GOLGA4: variants seen among roughly 807,000 people sequenced by gnomAD.
The protein encoded by GOLGA4 is golgin A4.
A neutral mutation model predicts 265.9 loss-of-function variants in GOLGA4; 169 were observed. The observed-to-expected ratio is 0.64, with a 90% confidence interval of 0.56 to 0.72. GOLGA4 has a LOEUF of 0.72. Ranked by LOEUF, GOLGA4 falls within the 30% of genes least tolerant of loss-of-function variation. The pLI is 0.00. For synonymous variants in GOLGA4, 923 were observed against 855.8 expected, an observed-to-expected ratio of 1.08 and a Z score of -1.37; for missense variants, 2,482 against 2,483.4, an observed-to-expected ratio of 1.00 and a Z score of 0.01.
chr3:37,291,573 G>C (rs931533159), intron 5 of GOLGA4, among the ~76,000 whole-genome samples: 1 of 152,238 alleles, frequency 6.6e-6, no homozygotes, highest in African/African-American at 2.4e-5. Flanking sequence ...TTAGAAAACT[G>C]TGAGAGAGCT....
intron 2 of GOLGA4, among the ~76,000 whole-genome samples, chr3:37,253,021 G>A (rs892568572): frequency 2.0e-5 from 3 of 152,146 alleles, no homozygotes; most frequent in Non-Finnish European, 4.4e-5. Flanking sequence ...GGCCAAGGCA[G>A]GAGGATTGCT....
chr3:37,282,622 CCTCT>C (rs2096837858), intron 3 of GOLGA4, among the ~76,000 whole-genome samples: 1 of 152,192 alleles, frequency 6.6e-6, no homozygotes, highest in South Asian at 2.1e-4. Flanking sequence ...CTCCTTTATT[CCTCT>C]CTAACTGATG....
In GOLGA4 at chr3:37,324,052, G is replaced by C. The variant is rs768797626; in HGVS notation, c.2166G>C (p.Glu722Asp). The change falls in exon 14 of 24, where the codon GAG becomes GAC. Residue 722 changes from glutamate to aspartate, a missense_variant. Physicochemically the swap from Glu to Asp is conservative, Grantham distance 45. This residue lies in a region of GOLGA4 where 1,536 missense variants were observed against 1,483.7 expected (regional missense o/e 1.04). Coordinates refer to ENST00000361924, the MANE Select transcript of GOLGA4 (RefSeq NM_002078.5). ...DQTDKMKQEL[E>D]AKMDEQKNHH... ...CAGATAAAATGAAGCAGGAATTAGA[G>C]GCCAAGATGGATGAACAGAAAAATC... 2 of 1,614,028 alleles carry C rather than the reference G, an allele frequency of 1.2e-6. No homozygotes were observed. The highest frequency in any genetic ancestry group is 2.2e-5 in the South Asian group (2 of 91,074).
chr3:37,327,070 C>T lies in GOLGA4; in HGVS notation c.5184C>T (p.Gly1728=), dbSNP rs1482042905. Reference sequence around the variant, plus strand: ...AACAAGAAGAAGCAGATTCCCAAGGCTGTGTGCAGAAGACATATGAAGAAA... The same window carrying T: ...AACAAGAAGAAGCAGATTCCCAAGGTTGTGTGCAGAAGACATATGAAGAAA... ...YTEQEEADSQ[G]CVQKTYEEKI... Residue 1728 remains glycine, a synonymous_variant, in exon 14 of 24, where the codon GGC becomes GGT. Coordinates refer to ENST00000361924, the MANE Select transcript of GOLGA4 (RefSeq NM_002078.5). 1.2e-6 allele frequency: 2 copies of T among 1,613,778 alleles called. No individual in the cohort carries two copies. The highest frequency in any genetic ancestry group is 1.7e-5 in the Admixed American group (1 of 60,000).
In GOLGA4 at chr3:37,319,280, G is replaced by A. The variant is rs563392715; in HGVS notation, c.1545+86G>A. On this transcript the variant is annotated intron_variant, in intron 12 of 23. Transcript: ENST00000361924. ...TCCTCTCACTGTTGCATTCCAGTTG[G>A]AAGTCAGACTACTGGCAGTCTTGAC... is the stretch of plus-strand genomic sequence containing the variant. The A allele has an allele frequency of 4.7e-6, 5 of 1,072,374 alleles. No homozygotes were observed. The African/African-American group carries it at 8.0e-5, about 17-fold the overall frequency. The allele number at this position is 1,072,374 out of a possible 1,614,324, so 66.4% of individuals were successfully genotyped here. A position where few individuals can be genotyped will look rare whatever the true frequency, so the allele number is the denominator to read the frequency against.
Position 37,324,846 on chromosome 3 carries a change from A to G in GOLGA4, c.2960A>G (p.Asn987Ser). The change falls in exon 14 of 24, where the codon AAT becomes AGT. Residue 987 changes from asparagine to serine, a missense_variant. By Grantham distance (46) the Asn-to-Ser change is conservative. Coordinates refer to ENST00000361924, the MANE Select transcript of GOLGA4 (RefSeq NM_002078.5). ...GCCAAACTTAAGAAAGAGCTTGAAA[A>G]TACTGCTCTAGAGCTTAGTCAGAAA... ...QEAKLKKELENTALELSQKEK... is the reference protein window; with the variant it reads ...QEAKLKKELESTALELSQKEK... 2 of 1,585,244 alleles carry G rather than the reference A, an allele frequency of 1.3e-6. No individual in the cohort carries two copies. Among genetic ancestry groups the G allele is most frequent in the Non-Finnish European group, 1.7e-6 (2 of 1,172,626 alleles).
At chr3:37,249,336 AC>A (rs984706487) in intron 1 of GOLGA4, among the ~76,000 whole-genome samples, 5 of 152,208 alleles carry the variant, frequency 3.3e-5, no homozygotes, top group Non-Finnish European at 5.9e-5. Context: ...TACAATGTTG[AC>A]TTTTAGTCAC....
intron 2 of GOLGA4, among the ~76,000 whole-genome samples, chr3:37,268,039 A>C (rs1015141320): frequency 6.6e-6 from 1 of 152,064 alleles, no homozygotes; most frequent in African/African-American, 2.4e-5. Flanking sequence ...TTTGGGAGGG[A>C]ATCAGAAGTC....
intron 17 of GOLGA4, among the ~76,000 whole-genome samples, chr3:37,335,561 G>C (rs764603409): frequency 3.9e-5 from 6 of 152,216 alleles, no homozygotes; most frequent in African/African-American, 1.4e-4. Flanking sequence ...AAAAATTCAC[G>C]TTAATTTTAT....
intron 2 of GOLGA4, among the ~76,000 whole-genome samples, chr3:37,271,870 A>G (rs568925058): frequency 2.6e-5 from 4 of 152,214 alleles, no homozygotes; most frequent in African/African-American, 7.2e-5. Context: ...CCGCATTACC[A>G]CTTGAGCTCT....
chr3:37,243,822 ACTT>A, intron 1 of GOLGA4, 200 bp downstream of exon 1: 1 of 582,584 alleles, frequency 1.7e-6, no homozygotes, highest in South Asian at 2.1e-5. Flanking sequence ...CCATCGCAAA[ACTT>A]CATCCAGTCA....
Position 37,331,745 on chromosome 3 carries a change from A to G in GOLGA4, c.6192+2652A>G, listed in dbSNP as rs1410396167. Among the ~76,000 whole-genome samples, 10 of 152,196 alleles carry G rather than the reference A, an allele frequency of 6.6e-5. No individual in the cohort carries two copies. The East Asian group carries it at 1.9e-3, about 29-fold the overall frequency. Reference sequence around the variant, plus strand: ...GGACACTTTCATTTTTCTACCTTGAATGACATTCTTACCATTCCTCCATTT... The same window carrying G: ...GGACACTTTCATTTTTCTACCTTGAGTGACATTCTTACCATTCCTCCATTT... On this transcript the variant is annotated intron_variant, in intron 16 of 23. Coordinates refer to ENST00000361924, the MANE Select transcript of GOLGA4 (RefSeq NM_002078.5).
In GOLGA4 at chr3:37,298,931, C is replaced by T; in HGVS notation, c.913C>T (p.His305Tyr). The change falls in exon 8 of 24, where the codon CAT (histidine) becomes TAT (tyrosine). Residue 305 changes from histidine (H) to tyrosine (Y), a missense_variant. Physicochemically the swap from His to Tyr is moderately conservative, Grantham distance 83. This residue lies in a region of GOLGA4 where 1,536 missense variants were observed against 1,483.7 expected (regional missense o/e 1.04). Transcript: ENST00000361924. ...LKRCKETIQS[H>Y]KEQCTLLTSE... Reference sequence around the variant, plus strand: ...GCGTTGTAAGGAAACAATTCAGTCACATAAGGAACAATGTACACTATTAAC... The same window carrying T: ...GCGTTGTAAGGAAACAATTCAGTCATATAAGGAACAATGTACACTATTAAC... 6.2e-7 allele frequency: 1 copy of T among 1,612,920 alleles called. No homozygotes were observed. The highest frequency in any genetic ancestry group is 2.2e-5 in the East Asian group (1 of 44,878).
At chr3:37,353,597 G>A (rs949522375) in intron 21 of GOLGA4, among the ~76,000 whole-genome samples, 3 of 152,030 alleles carry the variant, frequency 2.0e-5, no homozygotes, top group Non-Finnish European at 4.4e-5. Context: ...AGTGATAGCG[G>A]TGCGATCGTA....
At position 37,324,168 on chromosome 3, in the gene GOLGA4, T is replaced by G; in HGVS notation, c.2282T>G (p.Leu761Arg). 6.2e-7 allele frequency: 1 copy of G among 1,614,070 alleles called. No homozygotes were observed. The highest frequency in any genetic ancestry group is 2.2e-5 in the East Asian group (1 of 44,886). ...EKALKDQINQ[L>R]ELLLKERDKH... ...GCATTAAAAGATCAAATTAATCAACTTGAGCTTCTCTTGAAGGAAAGGGAC... is the reference window on the plus strand; with the variant it reads ...GCATTAAAAGATCAAATTAATCAACGTGAGCTTCTCTTGAAGGAAAGGGAC... The change falls in exon 14 of 24, where the codon CTT becomes CGT. Residue 761 changes from leucine (L) to arginine (R), a missense_variant. Leu to Arg is a moderately radical substitution (Grantham distance 102). This residue lies in a region of GOLGA4 where 1,536 missense variants were observed against 1,483.7 expected (regional missense o/e 1.04). Coordinates refer to ENST00000361924, the MANE Select transcript of GOLGA4 (RefSeq NM_002078.5).
intron 22 of GOLGA4, among the ~76,000 whole-genome samples, chr3:37,360,188 A>T (rs1324644887): frequency 6.6e-6 from 1 of 152,154 alleles, no homozygotes; most frequent in East Asian, 1.9e-4. Context: ...TTTTTCACTT[A>T]ATATATTTTT....
At chr3:37,353,652 C>G (rs1193604863) in intron 21 of GOLGA4, among the ~76,000 whole-genome samples, 3 of 152,174 alleles carry the variant, frequency 2.0e-5, no homozygotes, top group Middle Eastern at 3.4e-3. Context: ...ATTCTCCCAC[C>G]TCTCCCAAGT....
intron 20 of GOLGA4, among the ~76,000 whole-genome samples, chr3:37,345,818 A>G (rs2097054341): frequency 6.6e-6 from 1 of 152,066 alleles, no homozygotes; most frequent in Non-Finnish European, 1.5e-5. Flanking sequence ...ATGGTGGTGC[A>G]CACCTGTAAT....
At chr3:37,261,686 A>C (rs971820634) in intron 2 of GOLGA4, among the ~76,000 whole-genome samples, 7 of 152,148 alleles carry the variant, frequency 4.6e-5, no homozygotes, top group African/African-American at 9.7e-5. Context: ...TTACAAGCTG[A>C]GAGCTAATGT....
Sources: allele counts gnomAD v4.1 joint callset (sites outside exome capture counted in the v4.1 genomes callset), GRCh38; gene constraint gnomAD v4.1.1; regional missense constraint gnomAD v4.1.1; transcripts MANE v1.5; gene names NCBI Gene and HGNC (gene_info 2026-07-23, HGNC 2026-07-21).